TMEM131L: variants seen among roughly 807,000 people sequenced by gnomAD.
TMEM131L encodes the protein transmembrane 131 like.
TMEM131L carries 54 observed loss-of-function variants against 192.2 expected under a neutral mutation model. The ratio of observed to expected loss-of-function variants is 0.28; its 90% CI spans 0.23 to 0.35. TMEM131L has a LOEUF of 0.35. Ranked by LOEUF, TMEM131L falls within the 10% of genes least tolerant of loss-of-function variation. TMEM131L has a pLI of 1.00. For synonymous variants in TMEM131L, 701 were observed against 704.9 expected (o/e 0.99, Z 0.09); for missense variants, 1,888 against 1,972.9 (o/e 0.96, Z 0.82).
chr4:153,628,296 T>G (rs1212728412), intron 31 of TMEM131L, among the ~76,000 whole-genome samples: 1 of 152,228 alleles, frequency 6.6e-6, no homozygotes, highest in African/African-American at 2.4e-5. Flanking sequence ...GCCTGGGGGC[T>G]CTGATGGGAG....
intron 26 of TMEM131L, among the ~76,000 whole-genome samples, chr4:153,620,121 C>T (rs1733285936): frequency 6.6e-6 from 1 of 152,212 alleles, no homozygotes; most frequent in Non-Finnish European, 1.5e-5. Flanking sequence ...CCCGTTGGGT[C>T]TGTTAATAGA....
chr4:153,624,986 G>C (rs1291179116), intron 29 of TMEM131L, among the ~76,000 whole-genome samples: 1 of 152,190 alleles, frequency 6.6e-6, no homozygotes, highest in Non-Finnish European at 1.5e-5. Flanking sequence ...TCCCTGTCTT[G>C]TCTCGCTCAG....
intron 18 of TMEM131L, among the ~76,000 whole-genome samples, chr4:153,593,435 C>T (rs145054448): frequency 2.0e-5 from 3 of 152,234 alleles, no homozygotes; most frequent in African/African-American, 7.2e-5. Flanking sequence ...AGACGTAGCC[C>T]AGTGTTTCCC....
intron 3 of TMEM131L, among the ~76,000 whole-genome samples, chr4:153,484,768 A>G (rs1732197218): frequency 7.0e-6 from 1 of 142,532 alleles, no homozygotes; most frequent in African/African-American, 2.6e-5. Context: ...GTGCCCGGCC[A>G]TAGGGATGTA....
intron 28 of TMEM131L, 135 bp downstream of exon 28, chr4:153,621,984 T>A: frequency 1.2e-6 from 1 of 852,174 alleles, no homozygotes; most frequent in Non-Finnish European, 1.8e-6. Flanking sequence ...AAAGCCCCAG[T>A]GGAAAGCTTT....
rs140665144 is a variant in TMEM131L, at chr4:153,598,220, G to C, written c.2124-370G>C. ...TGTCTAAATTTGTTAGTGTTTGTCT[G>C]TGTCCCCCAGTTTATTTCTTCAGTT... On this transcript the variant is annotated intron_variant, in intron 20 of 34. Transcript: ENST00000409959. 6.9e-3 allele frequency among the ~76,000 whole-genome samples: 1,033 copies of C among 149,672 alleles called. 10 individuals are homozygous for C. Among genetic ancestry groups the C allele is most frequent in the African/African-American group, 0.023 (948 of 40,968 alleles).
intron 17 of TMEM131L, 94 bp from the exon 18 acceptor site, chr4:153,592,381 T>C: frequency 6.4e-6 from 5 of 776,702 alleles, no homozygotes; most frequent in Non-Finnish European, 1.1e-5. Flanking sequence ...TACATGATAT[T>C]TCCTCATGAT....
At chr4:153,533,865 G>A (rs1580155456) in intron 3 of TMEM131L, among the ~76,000 whole-genome samples, 1 of 152,250 alleles carries the variant, frequency 6.6e-6, no homozygotes, top group Non-Finnish European at 1.5e-5. Flanking sequence ...TGTTGTATTT[G>A]TGATTGGCAT....
At chr4:153,623,254 C>T (rs960454083) in intron 29 of TMEM131L, among the ~76,000 whole-genome samples, 171 bp downstream of exon 29, 2 of 152,322 alleles carry the variant, frequency 1.3e-5, no homozygotes, top group Admixed American at 6.5e-5. Flanking sequence ...CTCCCTCCCC[C>T]TTCCCCTCCA....
intron 3 of TMEM131L, among the ~76,000 whole-genome samples, chr4:153,536,791 C>T (rs547838151): frequency 3.3e-5 from 5 of 151,344 alleles, no homozygotes; most frequent in African/African-American, 4.8e-5. Flanking sequence ...TAAACTCACC[C>T]GATCACAAGG....
intron 3 of TMEM131L, among the ~76,000 whole-genome samples, chr4:153,520,274 G>A (rs1214761503): frequency 6.6e-6 from 1 of 151,932 alleles, no homozygotes; most frequent in African/African-American, 2.4e-5. Context: ...AGGCAACATA[G>A]GGAGACCCCA....
intron 7 of TMEM131L, among the ~76,000 whole-genome samples, chr4:153,559,290 TA>T (rs1171860941): frequency 6.6e-6 from 1 of 152,224 alleles, no homozygotes; most frequent in Non-Finnish European, 1.5e-5. Flanking sequence ...TTTTTATTTT[TA>T]TAAAATGGAA....
intron 3 of TMEM131L, among the ~76,000 whole-genome samples, chr4:153,487,313 C>A (rs1187550336): frequency 6.6e-6 from 1 of 152,178 alleles, no homozygotes; most frequent in East Asian, 1.9e-4. Flanking sequence ...TTTTATCAAA[C>A]CTAGAATCCG....
At chr4:153,609,507 A>T (rs769136253) in intron 25 of TMEM131L, among the ~76,000 whole-genome samples, 78 of 152,306 alleles carry the variant, frequency 5.1e-4, no homozygotes, top group Admixed American at 9.8e-4. Flanking sequence ...TAAATGACGT[A>T]TGTGTTTGGT....
At chr4:153,494,939 T>C (rs1246164165) in intron 3 of TMEM131L, among the ~76,000 whole-genome samples, 5 of 152,260 alleles carry the variant, frequency 3.3e-5, no homozygotes, top group African/African-American at 1.2e-4. Flanking sequence ...CGGGGAAGTG[T>C]GAGAGGGGTC....
intron 7 of TMEM131L, among the ~76,000 whole-genome samples, chr4:153,566,518 A>AGTGT (rs35949558): frequency 0.044 from 6,452 of 145,788 alleles, 160 homozygotes; most frequent in East Asian, 0.063. Flanking sequence ...TGTGAGTGTG[A>AGTGT]GTGTGTGTGT....
At chr4:153,616,650 G>A (rs1035332986) in intron 26 of TMEM131L, among the ~76,000 whole-genome samples, 3 of 152,142 alleles carry the variant, frequency 2.0e-5, no homozygotes, top group Admixed American at 1.3e-4. Flanking sequence ...AAAGAATAAG[G>A]TAGAAGAAGA....
chr4:153,477,548 G>A (rs1274511136), intron 3 of TMEM131L, among the ~76,000 whole-genome samples: 1 of 152,124 alleles, frequency 6.6e-6, no homozygotes, highest in Non-Finnish European at 1.5e-5. Context: ...TTATCAGAAT[G>A]AAAGATGTGG....
At chr4:153,518,493 CAT>C (rs1236588175) in intron 3 of TMEM131L, among the ~76,000 whole-genome samples, 2 of 152,222 alleles carry the variant, frequency 1.3e-5, no homozygotes, top group East Asian at 1.9e-4. Flanking sequence ...AGCTTGAAAA[CAT>C]AGTGAATACA....
Sources: allele counts gnomAD v4.1 joint callset (sites outside exome capture counted in the v4.1 genomes callset), GRCh38; gene constraint gnomAD v4.1.1; transcripts MANE v1.5; gene names NCBI Gene and HGNC (gene_info 2026-07-23, HGNC 2026-07-21).